Variants in CALN1 observed in about 807,000 individuals in gnomAD.
CALN1 encodes calcium-binding protein 8.
Under a neutral mutation model 30.6 loss-of-function variants are expected in CALN1, and 17 were observed. That is an observed-to-expected ratio of 0.56 (90% CI 0.38 to 0.83). CALN1 has a LOEUF of 0.83. Among genes scored for constraint, CALN1 ranks in the 40% least tolerant of loss-of-function variants. CALN1 has a pLI of 0.00. For synonymous variants in CALN1, 156 were observed against 131.4 expected (o/e 1.19, Z -1.28); for missense variants, 291 against 354.9 (o/e 0.82, Z 1.45).
chr7:71,867,036 T>G lies in CALN1; in HGVS notation c.502-56544A>C, dbSNP rs116140063. Among the ~76,000 whole-genome samples, 1,210 of 151,926 alleles carry G rather than the reference T, an allele frequency of 8.0e-3. 10 individuals carry two copies. The highest frequency in any genetic ancestry group is 0.028 in the African/African-American group (1,168 of 41,420). On this transcript the variant is annotated intron_variant, in intron 5 of 6. Transcript: ENST00000395275. ...GGTGCATGCCTGTAATCCCAGCTACTCAGGCAGCGGAGGCAGGGGAATCGC... is the reference window on the plus strand; with the variant it reads ...GGTGCATGCCTGTAATCCCAGCTACGCAGGCAGCGGAGGCAGGGGAATCGC...
intron 4 of CALN1, among the ~76,000 whole-genome samples, chr7:72,097,458 G>A (rs1044328749): frequency 1.3e-5 from 2 of 152,262 alleles, no homozygotes; most frequent in African/African-American, 4.8e-5. Context: ...GGAACACACA[G>A]GGTGTAGCAC....
chr7:72,017,776 G>A (rs928561541), intron 5 of CALN1, among the ~76,000 whole-genome samples: 2 of 152,124 alleles, frequency 1.3e-5, no homozygotes, highest in African/African-American at 4.8e-5. Context: ...AATAAGGTTT[G>A]ATTGTGAATA....
chr7:72,114,260 A>AGGGG, intron 3 of CALN1, among the ~76,000 whole-genome samples: 3 of 59,390 alleles, frequency 5.1e-5, no homozygotes, highest in African/African-American at 2.3e-4. Flanking sequence ...AAGGGAAGGG[A>AGGGG]AGGGAAGGGA....
intron 3 of CALN1, among the ~76,000 whole-genome samples, chr7:72,153,052 C>G (rs1372968918): frequency 6.6e-6 from 1 of 152,170 alleles, no homozygotes; most frequent in Non-Finnish European, 1.5e-5. Context: ...ACACTGGGCT[C>G]CCCCGGCTAC....
At chr7:72,342,839 G>T (rs560520593) in intron 2 of CALN1, among the ~76,000 whole-genome samples, 2 of 152,006 alleles carry the variant, frequency 1.3e-5, no homozygotes, top group South Asian at 4.2e-4. Context: ...ACTCTGAATA[G>T]AAATAGGTAG....
intron 2 of CALN1, among the ~76,000 whole-genome samples, chr7:72,392,831 T>G (rs567518227): frequency 9.2e-6 from 1 of 109,154 alleles, no homozygotes; most frequent in South Asian, 3.2e-4. Flanking sequence ...AGACCCTGTT[T>G]CATTAAAAAA....
intron 3 of CALN1, among the ~76,000 whole-genome samples, chr7:72,141,490 C>T (rs1034138052): frequency 1.7e-4 from 26 of 152,034 alleles, no homozygotes; most frequent in African/African-American, 5.3e-4. Context: ...ACCGACCCTT[C>T]GGCTAGGCCT....
rs548797693 is a variant in CALN1, at chr7:72,345,566, A to C, written c.119+57685T>G. 7.2e-5 allele frequency among the ~76,000 whole-genome samples: 7 copies of C among 97,106 alleles called. No individual in the cohort carries two copies. In the East Asian group the frequency reaches 1.3e-3, roughly 18 times the overall value. The allele number at this position is 97,106 out of a possible 152,430, so 63.7% of individuals were successfully genotyped here. A position where few individuals can be genotyped will look rare whatever the true frequency, so the allele number is the denominator to read the frequency against. ...GAGGAAGGAAAGAAGAAAGGGAGGGAGGGAGGGAAGGGAAGGAAAGGAAGA... is the reference window on the plus strand; with the variant it reads ...GAGGAAGGAAAGAAGAAAGGGAGGGCGGGAGGGAAGGGAAGGAAAGGAAGA... On this transcript the variant is annotated intron_variant, in intron 2 of 6. Transcript: ENST00000395275.
chr7:72,220,039 TTTTG>T (rs1793163251), intron 3 of CALN1, among the ~76,000 whole-genome samples: 1 of 152,158 alleles, frequency 6.6e-6, no homozygotes, highest in Admixed American at 6.5e-5. Flanking sequence ...TTATAATTTT[TTTTG>T]TTTTATTATT....
chr7:72,037,741 G>A (rs1466329952), intron 4 of CALN1, among the ~76,000 whole-genome samples: 2 of 152,006 alleles, frequency 1.3e-5, no homozygotes, highest in Non-Finnish European at 2.9e-5. Context: ...TGGGGAATGG[G>A]GAGCTGTCTT....
intron 2 of CALN1, among the ~76,000 whole-genome samples, chr7:72,308,683 G>A (rs1050201456): frequency 1.3e-5 from 2 of 152,156 alleles, no homozygotes; most frequent in Non-Finnish European, 2.9e-5. Flanking sequence ...GGGTTAGGTT[G>A]TGTTCATTTT....
intron 4 of CALN1, among the ~76,000 whole-genome samples, chr7:72,057,721 G>GAA (rs71531782): frequency 4.0e-5 from 6 of 150,372 alleles, no homozygotes; most frequent in East Asian, 3.9e-4. Flanking sequence ...GACTTATTGG[G>GAA]AAAAAAAAAC....
intron 3 of CALN1, among the ~76,000 whole-genome samples, chr7:72,251,964 A>T (rs1795592570): frequency 6.6e-6 from 1 of 152,196 alleles, no homozygotes; most frequent in Admixed American, 6.5e-5. Flanking sequence ...AAGAATTATA[A>T]TTAATTGATC....
chr7:72,271,575 A>AAATATAT, intron 3 of CALN1, among the ~76,000 whole-genome samples: 1 of 52,132 alleles, frequency 1.9e-5, no homozygotes, highest in Admixed American at 2.0e-4. Context: ...AAAAAAAAAA[A>AAATATAT]ATATATATAT....
chr7:72,490,665 G>A, the CALN1 span, among the ~76,000 whole-genome samples: 23,474 of 152,086 alleles, frequency 0.15, 1,986 homozygotes, highest in African/African-American at 0.2. Flanking sequence ...GAGTTCTCAC[G>A]AGATCTGGTT....
intron 3 of CALN1, among the ~76,000 whole-genome samples, chr7:72,254,190 C>G (rs1795755523): frequency 6.6e-6 from 1 of 152,160 alleles, no homozygotes; most frequent in Non-Finnish European, 1.5e-5. Flanking sequence ...CGCTGTCTCT[C>G]TTGTGTAGTG....
intron 2 of CALN1, among the ~76,000 whole-genome samples, chr7:72,314,338 C>CAT (rs923185895): frequency 8.4e-5 from 12 of 142,918 alleles, no homozygotes; most frequent in South Asian, 2.2e-4. Flanking sequence ...ACTATGTTAA[C>CAT]ATATATATAT....
intron 4 of CALN1, among the ~76,000 whole-genome samples, chr7:72,067,193 G>C (rs1375886490): frequency 6.6e-6 from 1 of 152,184 alleles, no homozygotes; most frequent in East Asian, 1.9e-4. Flanking sequence ...TGGGAAAATA[G>C]AGGCAGAAAT....
chr7:72,083,833 C>T (rs771924592), intron 4 of CALN1, among the ~76,000 whole-genome samples: 7 of 151,732 alleles, frequency 4.6e-5, no homozygotes, highest in Non-Finnish European at 8.8e-5. Flanking sequence ...GCAGGAGAAT[C>T]GCTTGAACCA....
Sources: allele counts gnomAD v4.1 joint callset (sites outside exome capture counted in the v4.1 genomes callset), GRCh38; gene constraint gnomAD v4.1.1; transcripts MANE v1.5; gene names NCBI Gene and HGNC (gene_info 2026-07-23, HGNC 2026-07-21).